KAZN: variants seen among roughly 807,000 people sequenced by gnomAD.
KAZN encodes the protein kazrin, periplakin interacting protein.
In KAZN, 40 loss-of-function variants were observed where a neutral mutation model predicts 87.4. That is an observed-to-expected ratio of 0.46 (90% CI 0.36 to 0.60). KAZN has a LOEUF of 0.60. KAZN is among the 20% of genes least tolerant of loss of function. The pLI is 0.00. For synonymous variants in KAZN, 466 were observed against 458.3 expected, an observed-to-expected ratio of 1.02 and a Z score of -0.22; for missense variants, 898 against 1,073.9, an observed-to-expected ratio of 0.84 and a Z score of 2.29.
Position 13,972,363 on chromosome 1 carries a change from T to G in KAZN, c.91+78607T>G, listed in dbSNP as rs184575125. 6.6e-5 allele frequency among the ~76,000 whole-genome samples: 10 copies of G among 150,668 alleles called. No homozygotes were observed. The East Asian group carries it at 1.6e-3, about 24-fold the overall frequency. On this transcript the variant is annotated intron_variant, in intron 1 of 16. Transcript: ENST00000636203. Reference sequence around the variant, plus strand: ...ATCTTGGCTCATTGCAAGCTCTGCCTCCCGAATGCCACCCTACTTTTTAAA... The same window carrying G: ...ATCTTGGCTCATTGCAAGCTCTGCCGCCCGAATGCCACCCTACTTTTTAAA...
intron 1 of KAZN, among the ~76,000 whole-genome samples, chr1:14,084,589 A>G (rs1315057758): frequency 6.6e-6 from 1 of 152,042 alleles, no homozygotes; most frequent in African/African-American, 2.4e-5. Flanking sequence ...GTTCAAGGTG[A>G]TGCAGTTTGC....
chr1:14,762,132 G>T (rs1049676198), intron 1 of KAZN, among the ~76,000 whole-genome samples: 1 of 152,120 alleles, frequency 6.6e-6, no homozygotes, highest in African/African-American at 2.4e-5. Flanking sequence ...TTTGGTAACC[G>T]CTCCTTTTAT....
intron 1 of KAZN, among the ~76,000 whole-genome samples, chr1:14,812,329 T>C (rs1444713172): frequency 1.3e-5 from 2 of 152,188 alleles, no homozygotes; most frequent in Non-Finnish European, 2.9e-5. Context: ...CTGGTCTCCT[T>C]GTACAGTGCA....
At chr1:13,950,971 T>C (rs1641324714) in intron 1 of KAZN, among the ~76,000 whole-genome samples, 1 of 152,218 alleles carries the variant, frequency 6.6e-6, no homozygotes, top group Non-Finnish European at 1.5e-5. Flanking sequence ...AAGGAGAAGA[T>C]AGAACGGGAT....
At chr1:15,039,311 G>A (rs1007143742) in intron 3 of KAZN, among the ~76,000 whole-genome samples, 1 of 152,172 alleles carries the variant, frequency 6.6e-6, no homozygotes, top group African/African-American at 2.4e-5. Context: ...GTAGAGGCAG[G>A]ATGCAAACCC....
chr1:15,052,455 T>C (rs1416270811), intron 4 of KAZN, among the ~76,000 whole-genome samples: 1 of 152,074 alleles, frequency 6.6e-6, no homozygotes, highest in East Asian at 1.9e-4. Flanking sequence ...ACTAGGTCCC[T>C]CCCATGACAC....
intron 1 of KAZN, among the ~76,000 whole-genome samples, chr1:14,086,959 A>G (rs895548788): frequency 6.6e-6 from 1 of 152,086 alleles, no homozygotes; most frequent in Non-Finnish European, 1.5e-5. Flanking sequence ...AAATCAAATA[A>G]TTGTAAGGCC....
intron 2 of KAZN, among the ~76,000 whole-genome samples, chr1:14,585,055 C>A (rs976407712): frequency 1.2e-4 from 18 of 152,150 alleles, no homozygotes; most frequent in Non-Finnish European, 1.2e-4. Flanking sequence ...CACAGACATG[C>A]ACAAAGGAAT....
chr1:14,676,955 G>A lies in KAZN; in HGVS notation c.226+77732G>A, dbSNP rs138976664. Among the ~76,000 whole-genome samples the A allele has an allele frequency of 2.2e-3, 328 of 152,268 alleles. 6 individuals carry two copies. The East Asian group carries it at 0.04, about 18-fold the overall frequency. ...TAAAAGGGTGAATTTTAGGGTATAA[G>A]TATTATATCACAATAATAAAATTAA... On this transcript the variant is annotated intron_variant, in intron 1 of 14. Transcript: ENST00000376030.
intron 2 of KAZN, among the ~76,000 whole-genome samples, chr1:14,585,816 C>T (rs967055105): frequency 2.0e-5 from 3 of 152,146 alleles, no homozygotes; most frequent in Admixed American, 1.3e-4. Flanking sequence ...CCCACCGCAC[C>T]GATGTCAGCT....
intron 1 of KAZN, among the ~76,000 whole-genome samples, chr1:14,150,713 A>G (rs1274833445): frequency 6.6e-6 from 1 of 152,216 alleles, no homozygotes; most frequent in African/African-American, 2.4e-5. Context: ...CTGATCCTCA[A>G]ACCACCCAAA....
intron 2 of KAZN, among the ~76,000 whole-genome samples, chr1:14,339,129 G>A (rs1657495056): frequency 6.6e-6 from 1 of 152,060 alleles, no homozygotes; most frequent in African/African-American, 2.4e-5. Flanking sequence ...AGAGAAAGAG[G>A]GGACTGGATT....
At chr1:14,676,698 A>G (rs1229835013) in intron 1 of KAZN, among the ~76,000 whole-genome samples, 1 of 152,204 alleles carries the variant, frequency 6.6e-6, no homozygotes, top group Non-Finnish European at 1.5e-5. Context: ...AGCCAGACAC[A>G]AAAGGCCATA....
chr1:14,370,170 G>C (rs1359984329), intron 2 of KAZN, among the ~76,000 whole-genome samples: 1 of 152,180 alleles, frequency 6.6e-6, no homozygotes, highest in Non-Finnish European at 1.5e-5. Flanking sequence ...AGGAACTAGA[G>C]AAGACCAAGG....
At chr1:14,047,232 G>A (rs977536051) in intron 1 of KAZN, among the ~76,000 whole-genome samples, 7 of 152,122 alleles carry the variant, frequency 4.6e-5, no homozygotes, top group African/African-American at 1.7e-4. Context: ...ACCCCCTCTC[G>A]GTTCCTGTTG....
intron 2 of KAZN, among the ~76,000 whole-genome samples, chr1:14,984,003 T>G (rs569372904): frequency 6.6e-6 from 1 of 152,228 alleles, no homozygotes; most frequent in East Asian, 1.9e-4. Context: ...GAAGCAAATT[T>G]TGAAGTTTAT....
intron 1 of KAZN, among the ~76,000 whole-genome samples, chr1:14,088,082 T>A (rs1037474682): frequency 6.6e-6 from 1 of 151,434 alleles, no homozygotes; most frequent in East Asian, 1.9e-4. Context: ...GGCCTGACGA[T>A]TTGTTTGTGA....
chr1:15,065,787 C>T (rs775839608), intron 8 of KAZN, 34 bp downstream of exon 8: 18 of 1,611,160 alleles, frequency 1.1e-5, no homozygotes, highest in East Asian at 1.1e-4. Context: ...GAGGAGGACG[C>T]GGACTGGTGA....
intron 1 of KAZN, among the ~76,000 whole-genome samples, chr1:14,648,468 GCA>G (rs1680975827): frequency 2.0e-5 from 3 of 152,030 alleles, no homozygotes; most frequent in African/African-American, 7.2e-5. Context: ...TTTAACTTAT[GCA>G]ATGGTAGGAC....
Sources: allele counts gnomAD v4.1 joint callset (sites outside exome capture counted in the v4.1 genomes callset), GRCh38; gene constraint gnomAD v4.1.1; transcripts MANE v1.5; gene names NCBI Gene and HGNC (gene_info 2026-07-23, HGNC 2026-07-21).